PINLYP: variants seen among roughly 807,000 people sequenced by gnomAD.
PINLYP encodes the protein phospholipase A2 inhibitor and Ly6/PLAUR domain-containing protein.
A neutral mutation model predicts 15.8 loss-of-function variants in PINLYP; 12 were observed. The ratio of observed to expected loss-of-function variants is 0.76; its 90% CI spans 0.49 to 1.23. The LOEUF is 1.23. Among genes scored for constraint, PINLYP ranks in the 50% most tolerant of loss-of-function variants. The pLI, the probability that PINLYP is intolerant of heterozygous loss-of-function variation, is 0.00. For missense variants in PINLYP, 278 were observed against 264.2 expected (o/e 1.05, Z -0.36); for synonymous variants, 93 against 97.7 (o/e 0.95, Z 0.28).
chr19:43,575,654 G>T (rs754976903), upstream of PINLYP: 4 of 466,986 alleles, frequency 8.6e-6, no homozygotes, highest in South Asian at 3.6e-5. Flanking sequence ...TCTCCAGAGC[G>T]GGAAGAGCGC....
At chr19:43,577,999 C>T (rs1463996344) in intron 2 of PINLYP, among the ~76,000 whole-genome samples, 1 of 152,112 alleles carries the variant, frequency 6.6e-6, no homozygotes, top group Non-Finnish European at 1.5e-5. Flanking sequence ...AGGCCCCAGC[C>T]CCCTCCTCCC....
At position 43,578,677 on chromosome 19, in the gene PINLYP, G is replaced by C. The variant is rs1312529501; in HGVS notation, c.158G>C (p.Cys53Ser). The change falls in exon 3 of 6, where the codon TGT (cysteine) becomes TCT (serine). Residue 53 changes from cysteine (C) to serine (S), a missense_variant. Transcript: ENST00000599207. ...ACCTGCAGCAGTGACAAGGACACAT[G>C]TGTGCTCCTGGTCGGGAAGGCTACT... 2.0e-6 allele frequency: 3 copies of C among 1,536,006 alleles called. No homozygotes were observed. The highest frequency in any genetic ancestry group is 2.0e-5 in the Admixed American group (1 of 50,990).
intron 3 of PINLYP, chr19:43,580,531 G>A (rs73556542): frequency 0.016 from 16,046 of 985,330 alleles, 212 homozygotes; most frequent in African/African-American, 0.061. Flanking sequence ...AGTTGAGGAG[G>A]CTGGAAGAGA....
chr19:43,575,510 C>G, upstream of PINLYP: 1 of 1,590,438 alleles, frequency 6.3e-7, no homozygotes. Flanking sequence ...AGTATGGGGT[C>G]CGAGGGGCAG....
At chr19:43,575,911 T>C (rs1972856624) in exon 1 of PINLYP, 1 of 152,444 alleles carries the variant, frequency 6.6e-6, no homozygotes, top group South Asian at 2.1e-4. Context: ...TTTTTAAAAA[T>C]TTTTTGTTGA....
intron 1 of PINLYP, 82 bp downstream of exon 1, chr19:43,577,001 TG>T: frequency 2.9e-6 from 3 of 1,036,972 alleles, no homozygotes; most frequent in Non-Finnish European, 4.1e-6. Context: ...TCCATGGAGG[TG>T]GGGGGCTGGG....
intron 3 of PINLYP, chr19:43,579,117 G>A: frequency 4.1e-6 from 1 of 244,906 alleles, no homozygotes; most frequent in South Asian, 4.8e-5. Context: ...AAGTGTAAGT[G>A]TAATCAGGGA....
At chr19:43,581,518 G>A (rs540981951) in intron 4 of PINLYP, 45 bp from the exon 5 acceptor site, 60 of 1,515,764 alleles carry the variant, frequency 4.0e-5, no homozygotes, top group Non-Finnish European at 4.8e-5. Context: ...TTGGGGGAAC[G>A]GCTTAAACAT....
chr19:43,578,927 T>C, intron 3 of PINLYP: 2 of 473,924 alleles, frequency 4.2e-6, no homozygotes, highest in Non-Finnish European at 7.8e-6. Context: ...AAAATGACAC[T>C]GTCCTAAAGA....
intron 2 of PINLYP, among the ~76,000 whole-genome samples, chr19:43,577,804 G>A (rs578215921): frequency 3.3e-5 from 5 of 152,190 alleles, no homozygotes; most frequent in African/African-American, 1.2e-4. Flanking sequence ...TACTTGGGAG[G>A]CTGAGGTGAG....
chr19:43,579,348 C>A (rs1013928753), intron 3 of PINLYP, among the ~76,000 whole-genome samples: 1 of 151,906 alleles, frequency 6.6e-6, no homozygotes, highest in Non-Finnish European at 1.5e-5. Flanking sequence ...CAGGTTCAAG[C>A]GATTCTCCTG....
intron 2 of PINLYP, 59 bp downstream of exon 2, chr19:43,577,320 TGAGA>T (rs370594706): frequency 9.8e-5 from 139 of 1,416,484 alleles, no homozygotes; most frequent in Non-Finnish European, 1.3e-4. Context: ...GGTCCCAGAT[TGAGA>T]GAGAGAGAGA....
intron 2 of PINLYP, among the ~76,000 whole-genome samples, chr19:43,577,550 A>G (rs1972881780): frequency 6.6e-6 from 1 of 151,760 alleles, no homozygotes; most frequent in African/African-American, 2.4e-5. Context: ...CAATTCTAGG[A>G]AATCAGATGA....
At chr19:43,578,593 G>A (rs1274360057) in exon 3 of PINLYP, 1 of 1,534,692 alleles carries the variant, frequency 6.5e-7, no homozygotes, top group Non-Finnish European at 8.7e-7. Context: ...ACTGCAGGGT[G>A]CCCACTACAC....
chr19:43,578,485 G>A, intron 2 of PINLYP, 105 bp from the exon 3 acceptor site: 1 of 738,596 alleles, frequency 1.4e-6, no homozygotes, highest in Non-Finnish European at 2.2e-6. Context: ...AAACCAGGGA[G>A]CTGCTGGTCC....
chr19:43,577,022 C>A, intron 1 of PINLYP, 93 bp from the exon 2 acceptor site: 2 of 1,290,522 alleles, frequency 1.5e-6, no homozygotes, highest in Non-Finnish European at 2.1e-6. Context: ...GCACAAGATG[C>A]CCAGGTCACT....
upstream of PINLYP, chr19:43,575,744 A>C: frequency 4.4e-5 from 15 of 341,272 alleles, no homozygotes; most frequent in Non-Finnish European, 4.8e-5. Flanking sequence ...TCGCCTCCCA[A>C]TGACGTCCGA....
exon 2 of PINLYP, chr19:43,577,125 G>T: frequency 6.5e-7 from 1 of 1,535,760 alleles, no homozygotes; most frequent in Non-Finnish European, 8.7e-7. Flanking sequence ...GGTGAATGTG[G>T]GTCCAGACCC....
chr19:43,580,191 A>G (rs900394205), intron 3 of PINLYP, among the ~76,000 whole-genome samples: 3 of 152,098 alleles, frequency 2.0e-5, no homozygotes, highest in Non-Finnish European at 4.4e-5. Context: ...GAAGGACCTG[A>G]AAGGCTTGAA....
Sources: gnomAD v4.1 joint callset for allele counts (sites outside exome capture counted in the v4.1 genomes callset) on GRCh38, gnomAD v4.1.1 for gene constraint, MANE v1.5 for transcripts, NCBI Gene and HGNC (gene_info 2026-07-23, HGNC 2026-07-21) for gene names.